ERO1B: variants seen among roughly 807,000 people sequenced by gnomAD.
The protein encoded by ERO1B is endoplasmic reticulum oxidoreductase 1 beta, also known as ERO1-like protein beta.
In ERO1B, 49 loss-of-function variants were observed where a neutral mutation model predicts 75.3. The ratio of observed to expected loss-of-function variants is 0.65; its 90% CI spans 0.52 to 0.83. The LOEUF (loss-of-function observed/expected upper bound fraction) is 0.83. ERO1B is among the 40% of genes least tolerant of loss of function. The pLI is 0.00. For missense variants in ERO1B, 512 were observed against 560.1 expected, an observed-to-expected ratio of 0.91 and a Z score of 0.87; for synonymous variants, 191 against 192.9, an observed-to-expected ratio of 0.99 and a Z score of 0.08.
chr1:236,249,425 G>C (rs1353855865), intron 5 of ERO1B, among the ~76,000 whole-genome samples: 2 of 152,106 alleles, frequency 1.3e-5, no homozygotes, highest in Admixed American at 1.3e-4. Context: ...TACACAATTT[G>C]AGGCCATTTA....
rs1463346922 is a variant in ERO1B, at chr1:236,226,681, G to A, written c.771C>T (p.Ile257=). 1 of 1,612,864 alleles carries A rather than the reference G, an allele frequency of 6.2e-7. No homozygotes were observed. The highest frequency in any genetic ancestry group is 1.1e-5 in the South Asian group (1 of 90,582). The change falls in exon 11 of 16, where the codon ATC becomes ATT. Residue 257 remains isoleucine (I), a synonymous_variant. Transcript: ENST00000354619. Reference sequence around the variant, plus strand: ...GATAATTTGCGCATAGATGTAAATTGATGCTAGCATGAAGTCCCGATATAA... The same window carrying A: ...GATAATTTGCGCATAGATGTAAATTAATGCTAGCATGAAGTCCCGATATAA... The part of the protein sequence containing the change: ...YKLISGLHAS[I]NLHLCANYLL...
chr1:236,228,900 T>C (rs1318256727), intron 10 of ERO1B, among the ~76,000 whole-genome samples: 1 of 152,196 alleles, frequency 6.6e-6, no homozygotes, highest in Non-Finnish European at 1.5e-5. Flanking sequence ...ATAATATACA[T>C]AGAATCCAAT....
chr1:236,245,314 ATATATATACACACACGTATATATATACG>A (rs1347981319), intron 5 of ERO1B, among the ~76,000 whole-genome samples: 20 of 18,816 alleles, frequency 1.1e-3, no homozygotes, highest in Admixed American at 2.0e-3. Context: ...ATATATATAT[ATATATATACACACACGTATATATATACG>A]TATATATATA....
rs879874006 is a variant in ERO1B at position 236,281,871 on chromosome 1, C to T, written c.-88G>A. The T allele has an allele frequency of 1.0e-6, 1 of 1,001,062 alleles. No individual in the cohort carries two copies. The highest frequency in any genetic ancestry group is 1.3e-6 in the Non-Finnish European group (1 of 758,582). 62.0% of individuals were successfully genotyped at this position (1,001,062 alleles called of 1,614,324 possible). On this transcript the variant is annotated 5_prime_UTR_variant, in exon 1 of 16. Transcript: ENST00000354619. ...CAGGCGACGACCCAAGGGGACGGTT[C>T]CCAGCGGCCGAGCGACTCCAGGGTC...
rs564938643 is a variant in ERO1B, at chr1:236,265,579, C to T, written c.222+4296G>A. Reference sequence around the variant, plus strand: ...TCTGTATTGTTTTTATCTGAACTAACACAAGAGTCTCCTAAATGGTTCCTC... The same window carrying T: ...TCTGTATTGTTTTTATCTGAACTAATACAAGAGTCTCCTAAATGGTTCCTC... On this transcript the variant is annotated intron_variant, in intron 2 of 15. Transcript: ENST00000354619. 1.5e-4 allele frequency among the ~76,000 whole-genome samples: 23 copies of T among 152,266 alleles called. 1 individual carries two copies. In the South Asian group the frequency reaches 3.3e-3, roughly 22 times the overall value.
intron 8 of ERO1B, among the ~76,000 whole-genome samples, chr1:236,234,185 T>C (rs573667924): frequency 6.6e-6 from 1 of 152,316 alleles, no homozygotes; most frequent in Non-Finnish European, 1.5e-5. Context: ...TCTCTTTACC[T>C]AGTCTTGTCT....
At chr1:236,261,745 C>A (rs1665298206) in intron 2 of ERO1B, among the ~76,000 whole-genome samples, 1 of 152,162 alleles carries the variant, frequency 6.6e-6, no homozygotes. Flanking sequence ...CAATTCCTAT[C>A]AAAATTCCTA....
In ERO1B at chr1:236,281,940, A is replaced by G. The variant is rs1022809270; in HGVS notation, c.-157T>C. 1 of 427,004 alleles carries G rather than the reference A, an allele frequency of 2.3e-6. No individual in the cohort carries two copies. Among genetic ancestry groups the G allele is most frequent in the Non-Finnish European group, 4.0e-6 (1 of 252,730 alleles). 26.5% of individuals were successfully genotyped at this position (427,004 alleles called of 1,614,324 possible). A position where few individuals can be genotyped will look rare whatever the true frequency, so the allele number is the denominator to read the frequency against. ...CCGGAGGCAGGCGACTCTTTCCCCA[A>G]CACCCGGCAGCTGCGAGTGAGGCAG... On this transcript the variant is annotated 5_prime_UTR_variant, in exon 1 of 16. Coordinates refer to ENST00000354619, the MANE Select transcript of ERO1B (RefSeq NM_019891.4).
rs1196980724 is a variant in ERO1B at position 236,253,607 on chromosome 1, GA to G, written c.223-103del. ...CAGTGACATGGTGGTGAATAAGAAG[GA>G]ATACTTCCTATCCTCGTGGCACCTA... On this transcript the variant is annotated intron_variant, in intron 2 of 15. Transcript: ENST00000354619. 1.1e-5 allele frequency: 8 copies of G among 738,770 alleles called. No homozygotes were observed. The South Asian group carries it at 1.3e-4, about 12-fold the overall frequency. 45.8% of individuals were successfully genotyped at this position (738,770 alleles called of 1,614,324 possible).
At chr1:236,254,915 T>A (rs1015750570) in intron 2 of ERO1B, among the ~76,000 whole-genome samples, 15 of 148,362 alleles carry the variant, frequency 1.0e-4, no homozygotes, top group African/African-American at 3.7e-4. Context: ...GCCTGGCCGG[T>A]CTTTATCTTT....
intron 1 of ERO1B, among the ~76,000 whole-genome samples, chr1:236,274,713 T>G (rs1433427677): frequency 6.6e-6 from 1 of 151,072 alleles, no homozygotes; most frequent in Non-Finnish European, 1.5e-5. Flanking sequence ...AGATTTGCAC[T>G]GCTTTAAGTG....
intron 14 of ERO1B, 36 bp from the exon 15 acceptor site, chr1:236,221,001 AAATAAT>A: frequency 4.9e-6 from 7 of 1,416,188 alleles, no homozygotes; most frequent in Non-Finnish European, 6.5e-6. Flanking sequence ...AATTAACTTT[AAATAAT>A]AATAACTAGT....
chr1:236,221,956 A>G lies in ERO1B; in HGVS notation c.1177T>C (p.Cys393Arg). The G allele has an allele frequency of 6.2e-7, 1 of 1,613,804 alleles. No homozygotes were observed. The highest frequency in any genetic ancestry group is 2.2e-5 in the East Asian group (1 of 44,852). Reference protein sequence around the residue: ...NISRIMDCVGCDKCRLWGKLQ... With the variant: ...NISRIMDCVGRDKCRLWGKLQ... Reference sequence around the variant, plus strand: ...TTTCCCCATAATCTGCATTTGTCACATCCAACACAGTCCATTATACGGGAG... The same window carrying G: ...TTTCCCCATAATCTGCATTTGTCACGTCCAACACAGTCCATTATACGGGAG... The change falls in exon 14 of 16, where the codon TGT becomes CGT. Residue 393 changes from cysteine (C) to arginine (R), a missense_variant. Cys to Arg is a radical substitution (Grantham distance 180, BLOSUM62 -3). Transcript: ENST00000354619.
At chr1:236,268,983 C>G (rs1242549104) in intron 2 of ERO1B, among the ~76,000 whole-genome samples, 1 of 152,008 alleles carries the variant, frequency 6.6e-6, no homozygotes, top group African/African-American at 2.4e-5. Flanking sequence ...ACCTGTAATC[C>G]CAGCACTTTG....
intron 1 of ERO1B, among the ~76,000 whole-genome samples, chr1:236,279,678 A>C (rs147381918): frequency 1.2e-3 from 166 of 133,442 alleles, no homozygotes; most frequent in Middle Eastern, 0.012. Flanking sequence ...AAAAAAAAAA[A>C]AAACACACAC....
chr1:236,230,301 T>C (rs374405673), intron 9 of ERO1B, 51 bp from the exon 10 acceptor site: 16 of 1,429,594 alleles, frequency 1.1e-5, no homozygotes, highest in African/African-American at 2.9e-5. Context: ...ATTTATAAAG[T>C]AGAATAAATT....
chr1:236,226,817 A>G (rs2102940746), intron 10 of ERO1B, 78 bp from the exon 11 acceptor site: 1 of 1,021,630 alleles, frequency 9.8e-7, no homozygotes, highest in East Asian at 2.4e-5. Flanking sequence ...TTCAGTATGT[A>G]GGCTTATTTT....
At chr1:236,272,205 C>G (rs2492375) in intron 1 of ERO1B, among the ~76,000 whole-genome samples, 1 of 152,136 alleles carries the variant, frequency 6.6e-6, no homozygotes, top group East Asian at 1.9e-4. Context: ...CACTACCGGG[C>G]ATCTATCTAC....
chr1:236,244,849 AC>A (rs1461568326), intron 5 of ERO1B, among the ~76,000 whole-genome samples: 4 of 152,162 alleles, frequency 2.6e-5, no homozygotes, highest in African/African-American at 9.7e-5. Flanking sequence ...GATGGATGCA[AC>A]ACTATTTGCA....
Sources: allele counts gnomAD v4.1 joint callset (sites outside exome capture counted in the v4.1 genomes callset), GRCh38; gene constraint gnomAD v4.1.1; transcripts MANE v1.5; gene names NCBI Gene and HGNC (gene_info 2026-07-23, HGNC 2026-07-21).